DCAF5: variants seen among roughly 807,000 people sequenced by gnomAD.
DCAF5 encodes the protein DDB1 and CUL4 associated factor 5, also known as DDB1- and CUL4-associated factor 5.
Under a neutral mutation model 80.7 loss-of-function variants are expected in DCAF5, and 9 were observed. The observed-to-expected ratio is 0.11, with a 90% CI of 0.07 to 0.19. The LOEUF (loss-of-function observed/expected upper bound fraction) is 0.19, where lower values mean the gene tolerates loss of function less well. DCAF5 is among the 10% of genes least tolerant of loss of function. The pLI, the probability that DCAF5 is intolerant of heterozygous loss-of-function variation, is 1.00. For synonymous variants in DCAF5, 433 were observed against 461.9 expected (o/e 0.94, Z 0.80); for missense variants, 842 against 1,205.7 (o/e 0.70, Z 4.47).
chr14:69,133,097 C>T (rs1274896856), intron 1 of DCAF5, among the ~76,000 whole-genome samples: 2 of 152,202 alleles, frequency 1.3e-5, no homozygotes, highest in Non-Finnish European at 2.9e-5. Flanking sequence ...GGGTCAGGGA[C>T]TATCCTAAGG....
intron 7 of DCAF5, among the ~76,000 whole-genome samples, chr14:69,070,503 TAC>T (rs1471375326): frequency 1.3e-5 from 2 of 152,216 alleles, no homozygotes; most frequent in Non-Finnish European, 2.9e-5. Context: ...CTCAGACAAA[TAC>T]TATTATGTAA....
intron 7 of DCAF5, among the ~76,000 whole-genome samples, chr14:69,068,431 GCTCATGCCTGTAAT>G (rs1285596065): frequency 1.3e-5 from 2 of 152,160 alleles, no homozygotes; most frequent in African/African-American, 4.8e-5. Context: ...AGATGTGGTG[GCTCATGCCTGTAAT>G]CCCAGCACTT....
rs369898066 is a variant in DCAF5, at chr14:69,054,081, G to A, written c.2605C>T (p.Arg869Cys). The A allele has an allele frequency of 5.3e-5, 85 of 1,614,100 alleles. No homozygotes were observed. The highest frequency in any genetic ancestry group is 7.7e-5 in the South Asian group (7 of 91,088). ...YSSPGHSDTD[R>C]DNSSLTGTLL... ...GTCCCTGTCAGGGACGAGTTATCAC[G>A]GTCAGTGTCTGAGTGTCCTGGGGAA... Residue 869 changes from arginine to cysteine, a missense_variant, in exon 9 of 9, where the codon CGT becomes TGT. Physicochemically the swap from Arg to Cys is radical, Grantham distance 180 (BLOSUM62 -3). Transcript: ENST00000341516.
intron 2 of DCAF5, among the ~76,000 whole-genome samples, chr14:69,121,123 G>A (rs1026131317): frequency 6.6e-6 from 1 of 152,218 alleles, no homozygotes; most frequent in East Asian, 1.9e-4. Flanking sequence ...GTGGGCTACA[G>A]TGTATAACTC....
chr14:69,140,582 CCT>C (rs1243633264), intron 1 of DCAF5, among the ~76,000 whole-genome samples: 1 of 152,062 alleles, frequency 6.6e-6, no homozygotes, highest in African/African-American at 2.4e-5. Context: ...CCTCAAAATA[CCT>C]TTTCTCAAAA....
chr14:69,060,537 CTT>C (rs60838164), intron 8 of DCAF5, among the ~76,000 whole-genome samples: 2 of 147,636 alleles, frequency 1.4e-5, no homozygotes, highest in Admixed American at 6.8e-5. Context: ...TATTATATTT[CTT>C]TTTTTTTTTG....
Position 69,153,042 on chromosome 14 carries a change from GCTCCCCCCACCCGGCC to G in DCAF5, c.-80_-65del, listed in dbSNP as rs1411013949. On this transcript the variant is annotated 5_prime_UTR_variant, in exon 1 of 9. Transcript: ENST00000341516. ...TCCCTCGGCCTCACGCGCGGCCGCT[GCTCCCCCCACCCGGCC>G]CTCCCCCCGCGCTGCGATCCGGATG... is the stretch of plus-strand genomic sequence containing the variant. 1 of 1,298,374 alleles carries G rather than the reference GCTCCCCCCACCCGGCC, an allele frequency of 7.7e-7. No individual in the cohort carries two copies. The highest frequency in any genetic ancestry group is 1.6e-5 in the African/African-American group (1 of 63,654). 80.4% of individuals were successfully genotyped at this position (1,298,374 alleles called of 1,614,324 possible).
At chr14:69,058,967 T>C (rs564273918) in intron 8 of DCAF5, among the ~76,000 whole-genome samples, 4 of 152,070 alleles carry the variant, frequency 2.6e-5, no homozygotes, top group Non-Finnish European at 2.9e-5. Context: ...TTCCTCTCCA[T>C]GCACAGTGAA....
chr14:69,057,716 G>A (rs1018353487), intron 8 of DCAF5, among the ~76,000 whole-genome samples: 7 of 152,204 alleles, frequency 4.6e-5, no homozygotes, highest in Non-Finnish European at 1.5e-5. Flanking sequence ...AGAGGCAGGA[G>A]TCTTGAGTAG....
At position 69,116,347 on chromosome 14, in the gene DCAF5, A is replaced by T. The variant is rs199970007; in HGVS notation, c.665+19T>A. On this transcript the variant is annotated intron_variant, in intron 5 of 8. Transcript: ENST00000341516. ...GAGGCAGAGGAAAGTTTTAACACCTATGAATAAAGGGGGCTCACCTCTGAG... is the reference window on the plus strand; with the variant it reads ...GAGGCAGAGGAAAGTTTTAACACCTTTGAATAAAGGGGGCTCACCTCTGAG... 3.1e-6 allele frequency: 5 copies of T among 1,607,882 alleles called. No individual in the cohort carries two copies. Among genetic ancestry groups the T allele is most frequent in the Non-Finnish European group, 4.3e-6 (5 of 1,175,958 alleles).
rs117361597 is a variant in DCAF5, at chr14:69,138,308, G to A, written c.214+14457C>T. ...GGATTTGCAAAGAATTCCTCCTCCT[G>A]AGTAATGTTCTTGGAAGGAAACAAA... On this transcript the variant is annotated intron_variant, in intron 1 of 8. Coordinates refer to ENST00000341516, the MANE Select transcript of DCAF5 (RefSeq NM_003861.3). Among the ~76,000 whole-genome samples, 647 of 152,262 alleles carry A rather than the reference G, an allele frequency of 4.2e-3. 16 individuals are homozygous for A. The East Asian group carries it at 0.082, about 19-fold the overall frequency.
rs1163948482 is a variant in DCAF5 at position 69,101,705 on chromosome 14, G to C, written c.666-9818C>G. Among the ~76,000 whole-genome samples the C allele has an allele frequency of 1.2e-4, 19 of 152,276 alleles. No individual in the cohort carries two copies. In the East Asian group the frequency reaches 3.7e-3, roughly 29 times the overall value. On this transcript the variant is annotated intron_variant, in intron 5 of 8. Coordinates refer to ENST00000341516, the MANE Select transcript of DCAF5 (RefSeq NM_003861.3). ...TATAGAGAGTATTCACACAAACCTA[G>C]AAGGTATAGCCTACTACACACCCCA...
intron 1 of DCAF5, among the ~76,000 whole-genome samples, chr14:69,129,668 T>C (rs561314273): frequency 2.6e-5 from 4 of 152,276 alleles, no homozygotes; most frequent in South Asian, 2.1e-4. Flanking sequence ...TTTCAGACCA[T>C]TTAAGCCAGC....
chr14:69,067,655 T>C (rs1184292240), intron 7 of DCAF5, among the ~76,000 whole-genome samples: 1 of 150,258 alleles, frequency 6.7e-6, no homozygotes, highest in Non-Finnish European at 1.5e-5. Flanking sequence ...CAGATATTCT[T>C]TTTTTTTTAA....
intron 1 of DCAF5, among the ~76,000 whole-genome samples, chr14:69,151,849 C>G (rs1018793247): frequency 3.9e-5 from 6 of 152,308 alleles, no homozygotes; most frequent in Non-Finnish European, 8.8e-5. Flanking sequence ...GAGGCCTACA[C>G]CGCCCGGCCG....
At chr14:69,095,719 T>C (rs1391016236) in intron 5 of DCAF5, among the ~76,000 whole-genome samples, 1 of 152,132 alleles carries the variant, frequency 6.6e-6, no homozygotes, top group African/African-American at 2.4e-5. Context: ...TAGCACAACA[T>C]AGGGAATTGA....
intron 5 of DCAF5, among the ~76,000 whole-genome samples, chr14:69,114,396 T>A (rs1219371141): frequency 6.6e-6 from 1 of 152,166 alleles, no homozygotes; most frequent in East Asian, 1.9e-4. Context: ...GCTAGATCTG[T>A]TAGTGTTGGT....
intron 1 of DCAF5, among the ~76,000 whole-genome samples, chr14:69,133,728 T>C (rs1327702076): frequency 1.3e-5 from 2 of 152,182 alleles, no homozygotes; most frequent in African/African-American, 2.4e-5. Flanking sequence ...TATTATCTCA[T>C]TTTTCCATGT....
At chr14:69,114,227 C>T (rs1388378203) in intron 5 of DCAF5, among the ~76,000 whole-genome samples, 4 of 152,092 alleles carry the variant, frequency 2.6e-5, no homozygotes, top group South Asian at 2.1e-4. Flanking sequence ...TAGCAAAGTC[C>T]GTACAGATAT....
Sources: gnomAD v4.1 joint callset for allele counts (sites outside exome capture counted in the v4.1 genomes callset) on GRCh38, gnomAD v4.1.1 for gene constraint, MANE v1.5 for transcripts, NCBI Gene and HGNC (gene_info 2026-07-23, HGNC 2026-07-21) for gene names.